PBRM1: variants seen among roughly 807,000 people sequenced by gnomAD.
PBRM1 encodes the protein polybromo 1.
In PBRM1, 27 loss-of-function variants were observed where a neutral mutation model predicts 194.5. The ratio of observed to expected loss-of-function variants is 0.14; its 90% CI spans 0.10 to 0.19. The LOEUF is 0.19. Among genes scored for constraint, PBRM1 ranks in the 10% least tolerant of loss-of-function variants. The pLI is 1.00. For synonymous variants in PBRM1, 655 were observed against 693.2 expected (o/e 0.94, Z 0.87); for missense variants, 1,466 against 2,077.2 (o/e 0.71, Z 5.72).
chr3:52,590,635 TTTTC>T (rs1310835166), intron 17 of PBRM1, among the ~76,000 whole-genome samples: 7 of 151,536 alleles, frequency 4.6e-5, no homozygotes, highest in East Asian at 1.9e-4. Flanking sequence ...AAACATTAAA[TTTTC>T]TTTTTCTTTT....
In PBRM1 at chr3:52,657,093, T is replaced by C. The variant is rs549045309; in HGVS notation, c.645+1106A>G. The stretch of plus-strand genomic sequence containing the variant: ...TTCTTCTTCTATGACGTACCTAGAA[T>C]AGTCAAATTCATAGACAGAAAGCAG... On this transcript the variant is annotated intron_variant, in intron 5 of 29. Coordinates refer to ENST00000296302, the Ensembl canonical transcript of PBRM1. Among the ~76,000 whole-genome samples, 4 of 152,326 alleles carry C rather than the reference T, an allele frequency of 2.6e-5. No homozygotes were observed. The South Asian group carries it at 8.3e-4, about 32-fold the overall frequency.
At chr3:52,660,656 G>A (rs2096705331) in intron 4 of PBRM1, among the ~76,000 whole-genome samples, 3 of 151,794 alleles carry the variant, frequency 2.0e-5, no homozygotes, top group Non-Finnish European at 2.9e-5. Context: ...GGGATTACAG[G>A]TGCCCACCAC....
chr3:52,661,028 T>C (rs1382308387), intron 4 of PBRM1, among the ~76,000 whole-genome samples: 1 of 152,110 alleles, frequency 6.6e-6, no homozygotes, highest in African/African-American at 2.4e-5. Context: ...TTATTTTCTG[T>C]CTTTCATTTT....
intron 22 of PBRM1, among the ~76,000 whole-genome samples, chr3:52,569,918 C>T (rs1036497809): frequency 6.6e-6 from 1 of 152,134 alleles, no homozygotes; most frequent in Non-Finnish European, 1.5e-5. Flanking sequence ...TGGCTAGTAC[C>T]TCTAGAACAA....
intron 28 of PBRM1, 33 bp from the exon 31 acceptor site, chr3:52,550,670 A>G (rs1289970283): frequency 1.3e-6 from 2 of 1,568,680 alleles, no homozygotes; most frequent in Admixed American, 3.7e-5. Flanking sequence ...GGTGAGGCAA[A>G]AAGAGACTCT....
At chr3:52,659,473 G>C (rs1222870261) in intron 4 of PBRM1, among the ~76,000 whole-genome samples, 2 of 152,136 alleles carry the variant, frequency 1.3e-5, no homozygotes, top group African/African-American at 4.8e-5. Context: ...CCAGGTTGGA[G>C]TGAAGTGGTG....
chr3:52,609,258 T>G lies in PBRM1; in HGVS notation c.2567+55A>C, dbSNP rs749516261. The G allele has an allele frequency of 2.7e-5, 36 of 1,317,386 alleles. No individual in the cohort carries two copies. The Middle Eastern group carries it at 1.1e-3, about 42-fold the overall frequency. 81.6% of individuals were successfully genotyped at this position (1,317,386 alleles called of 1,614,324 possible). On this transcript the variant is annotated intron_variant, in intron 16 of 29. Transcript: ENST00000296302. This position sits in a 1 kb window ranked among gnomAD's most constrained non-coding sequence, Gnocchi z 4.1. ...TACATCAAAGCAATATTCTTTCATC[T>G]GTTTTGTATTAAATAGCACATATCC... is the stretch of plus-strand genomic sequence containing the variant.
chr3:52,619,298 C>A (rs2095149313), intron 13 of PBRM1, among the ~76,000 whole-genome samples: 1 of 152,200 alleles, frequency 6.6e-6, no homozygotes, highest in South Asian at 2.1e-4. Flanking sequence ...TACCGAAATA[C>A]ATAGATGCTC....
chr3:52,657,229 T>C (rs533981304), intron 5 of PBRM1, among the ~76,000 whole-genome samples: 11 of 152,208 alleles, frequency 7.2e-5, no homozygotes, highest in Admixed American at 2.6e-4. Flanking sequence ...GATGGTTGCA[T>C]AAAAATGTGA....
At chr3:52,561,658 TA>T in intron 25 of PBRM1, 108 bp downstream of exon 27, 1 of 959,660 alleles carries the variant, frequency 1.0e-6, no homozygotes, top group Non-Finnish European at 1.7e-6. Context: ...GTCCCCAAAA[TA>T]AAAGTTCATG....
chr3:52,630,985 C>G (rs540001728), intron 11 of PBRM1, among the ~76,000 whole-genome samples: 7 of 152,268 alleles, frequency 4.6e-5, no homozygotes, highest in South Asian at 4.1e-4. Context: ...CAGGGAACTT[C>G]TTAACATCTG....
intron 4 of PBRM1, among the ~76,000 whole-genome samples, chr3:52,660,162 A>C (rs1466399195): frequency 6.6e-6 from 1 of 152,210 alleles, no homozygotes; most frequent in Non-Finnish European, 1.5e-5. Flanking sequence ...ATTTCTCATC[A>C]ATTATGCGTT....
intron 15 of PBRM1, among the ~76,000 whole-genome samples, chr3:52,611,393 T>C (rs1259619420): frequency 2.0e-5 from 3 of 152,236 alleles, no homozygotes. Context: ...ATATTACCTA[T>C]GAAGTCGGTT....
At chr3:52,644,918 C>CA in intron 7 of PBRM1, 129 bp from the exon 9 acceptor site, 1 of 491,220 alleles carries the variant, frequency 2.0e-6, no homozygotes, top group South Asian at 2.6e-5. Context: ...TCAATACCCA[C>CA]AAAGCTGCAT....
intron 2 of PBRM1, 24 bp from the exon 4 acceptor site, chr3:52,668,669 AAGG>A (rs749423347): frequency 1.4e-6 from 2 of 1,434,734 alleles, no homozygotes; most frequent in South Asian, 2.7e-5. Context: ...AATTTTTTTA[AAGG>A]AGATTAATCT....
chr3:52,665,546 C>G (rs1483253063), intron 3 of PBRM1, among the ~76,000 whole-genome samples: 2 of 152,190 alleles, frequency 1.3e-5, no homozygotes, highest in African/African-American at 4.8e-5. Context: ...CTGGGCCGCA[C>G]AGCAGGAGGT....
intron 17 of PBRM1, among the ~76,000 whole-genome samples, chr3:52,589,578 A>G (rs1009177496): frequency 1.5e-4 from 23 of 152,354 alleles, no homozygotes; most frequent in Admixed American, 9.1e-4. Context: ...AGAAGTACGT[A>G]TGTCGTTTCG....
intron 18 of PBRM1, among the ~76,000 whole-genome samples, chr3:52,588,178 T>C (rs2092640696): frequency 6.6e-6 from 1 of 152,162 alleles, no homozygotes; most frequent in Non-Finnish European, 1.5e-5. Flanking sequence ...CTGAAGGACA[T>C]ATTTAGCTCT....
At chr3:52,593,026 T>G (rs1453330546) in intron 17 of PBRM1, among the ~76,000 whole-genome samples, 1 of 152,166 alleles carries the variant, frequency 6.6e-6, no homozygotes, top group African/African-American at 2.4e-5. Flanking sequence ...TTTCTAATTG[T>G]GTTTACTTGG....
Sources: gnomAD v4.1 joint callset for allele counts (sites outside exome capture counted in the v4.1 genomes callset) on GRCh38, gnomAD v4.1.1 for gene constraint, Gnocchi (gnomAD v3.1) non-coding constraint, MANE v1.5 for transcripts, NCBI Gene and HGNC (gene_info 2026-07-23, HGNC 2026-07-21) for gene names.